Variants in ATRNL1 observed in about 807,000 individuals in gnomAD.
The protein encoded by ATRNL1 is attractin like 1, also known as attractin-like protein 1.
A neutral mutation model predicts 182.7 loss-of-function variants in ATRNL1; 95 were observed. The observed-to-expected ratio is 0.52, with a 90% CI of 0.44 to 0.62. The LOEUF (loss-of-function observed/expected upper bound fraction) is 0.62, where lower values mean the gene tolerates loss of function less well. Among genes scored for constraint, ATRNL1 ranks in the 20% least tolerant of loss-of-function variants. The probability of loss-of-function intolerance (pLI) is 0.00; values close to 1 mark genes in which losing one functional copy is unlikely to be tolerated. For missense variants in ATRNL1, 1,471 were observed against 1,679.5 expected, an observed-to-expected ratio of 0.88 and a Z score of 2.17; for synonymous variants, 576 against 568.3, an observed-to-expected ratio of 1.01 and a Z score of -0.19.
At chr10:115,674,782 T>TA (rs1177489163) in intron 26 of ATRNL1, among the ~76,000 whole-genome samples, 2 of 152,060 alleles carry the variant, frequency 1.3e-5, no homozygotes, top group African/African-American at 4.8e-5. Context: ...CTCACTTTTC[T>TA]AAAAAAATGG....
intron 17 of ATRNL1, among the ~76,000 whole-genome samples, chr10:115,306,949 AAAT>A (rs1234701877): frequency 1.3e-5 from 2 of 152,170 alleles, no homozygotes; most frequent in African/African-American, 2.4e-5. Flanking sequence ...CTGACAAATC[AAAT>A]AATGATAACT....
At chr10:115,902,700 C>T (rs934610797) in intron 28 of ATRNL1, among the ~76,000 whole-genome samples, 2 of 152,182 alleles carry the variant, frequency 1.3e-5, no homozygotes, top group African/African-American at 2.4e-5. Context: ...TGAGGAAAAT[C>T]AGCGAATATT....
chr10:115,352,823 C>T (rs1183456009), intron 19 of ATRNL1, among the ~76,000 whole-genome samples: 1 of 152,060 alleles, frequency 6.6e-6, no homozygotes, highest in Non-Finnish European at 1.5e-5. Flanking sequence ...TCACTTAAAC[C>T]TGGGAGGTGG....
Position 115,498,275 on chromosome 10 carries a change from G to T in ATRNL1, c.3655-20988G>T, listed in dbSNP as rs1043197953. On this transcript the variant is annotated intron_variant, in intron 24 of 28. Coordinates refer to ENST00000355044, the MANE Select transcript of ATRNL1 (RefSeq NM_207303.4). ...CTTCCAAATACCACAGGGTAGAAAA[G>T]ATTTTTAAAGTTACAAATAAATTCC... 4.6e-5 allele frequency among the ~76,000 whole-genome samples: 7 copies of T among 151,236 alleles called. No individual in the cohort carries two copies. The East Asian group carries it at 5.8e-4, about 12-fold the overall frequency.
chr10:115,744,459 C>A (rs1194948816), intron 27 of ATRNL1, among the ~76,000 whole-genome samples: 1 of 152,068 alleles, frequency 6.6e-6, no homozygotes, highest in Non-Finnish European at 1.5e-5. Flanking sequence ...CTTTCATTCT[C>A]TTTCAGTCTA....
chr10:115,170,903 C>A, intron 7 of ATRNL1, 134 bp from the exon 8 acceptor site: 1 of 453,052 alleles, frequency 2.2e-6, no homozygotes, highest in Non-Finnish European at 3.6e-6. Context: ...TTACTTTTTA[C>A]AAATGAGAAC....
At chr10:115,469,924 A>G (rs1342255857) in intron 24 of ATRNL1, among the ~76,000 whole-genome samples, 1 of 150,544 alleles carries the variant, frequency 6.6e-6, no homozygotes, top group Non-Finnish European at 1.5e-5. Flanking sequence ...TGTGTTCTTA[A>G]TTTATGTTTT....
At chr10:115,886,300 A>G (rs1951943466) in intron 28 of ATRNL1, among the ~76,000 whole-genome samples, 1 of 152,198 alleles carries the variant, frequency 6.6e-6, no homozygotes, top group African/African-American at 2.4e-5. Flanking sequence ...CTCTCATAAA[A>G]ATCATTAGTT....
At chr10:115,915,121 G>A (rs1952804865) in intron 28 of ATRNL1, among the ~76,000 whole-genome samples, 1 of 152,162 alleles carries the variant, frequency 6.6e-6, no homozygotes, top group Non-Finnish European at 1.5e-5. Context: ...GTTATGGCTG[G>A]GTGCGGTGGC....
chr10:115,113,568 G>A (rs1554868853), intron 1 of ATRNL1, among the ~76,000 whole-genome samples: 4 of 152,090 alleles, frequency 2.6e-5, no homozygotes, highest in African/African-American at 7.2e-5. Flanking sequence ...TAAGTCTTAT[G>A]AGATCTGATG....
At position 115,765,202 on chromosome 10, in the gene ATRNL1, G is replaced by T. The variant is rs968338347; in HGVS notation, c.3903+37847G>T. On this transcript the variant is annotated intron_variant, in intron 27 of 28. Transcript: ENST00000355044. ...TGGGTAGGTATCAGGGAGCACAATT[G>T]CTGGATCATATGGTCAGGGTAGCTT... Among the ~76,000 whole-genome samples the T allele has an allele frequency of 3.3e-5, 5 of 152,138 alleles. No homozygotes were observed. In the East Asian group the frequency reaches 9.6e-4, roughly 29 times the overall value.
intron 13 of ATRNL1, among the ~76,000 whole-genome samples, chr10:115,278,306 GT>G (rs1404786366): frequency 6.6e-6 from 1 of 152,134 alleles, no homozygotes; most frequent in African/African-American, 2.4e-5. Context: ...AGTTTAACTT[GT>G]TAAAAGAAAA....
chr10:115,845,937 T>A (rs189597258), intron 27 of ATRNL1, among the ~76,000 whole-genome samples: 3 of 152,212 alleles, frequency 2.0e-5, no homozygotes, highest in African/African-American at 7.2e-5. Context: ...TTAAAATAAC[T>A]TTTAGTAGCC....
intron 27 of ATRNL1, among the ~76,000 whole-genome samples, chr10:115,759,482 C>A (rs1367003940): frequency 6.6e-6 from 1 of 151,960 alleles, no homozygotes; most frequent in Non-Finnish European, 1.5e-5. Context: ...GTCAGATGAC[C>A]CCTGGGGGAG....
chr10:115,228,754 A>ATTTC (rs1474847494), intron 9 of ATRNL1, among the ~76,000 whole-genome samples: 1 of 144,764 alleles, frequency 6.9e-6, no homozygotes, highest in South Asian at 2.2e-4. Context: ...CTTCAATTAT[A>ATTTC]TTTCTTTCTT....
chr10:115,687,076 A>T (rs1273250960), intron 26 of ATRNL1, among the ~76,000 whole-genome samples: 1 of 152,006 alleles, frequency 6.6e-6, no homozygotes, highest in African/African-American at 2.4e-5. Flanking sequence ...GATGATTAGC[A>T]ATTTTGATTT....
At chr10:115,794,123 G>T (rs896989728) in intron 27 of ATRNL1, among the ~76,000 whole-genome samples, 1 of 152,120 alleles carries the variant, frequency 6.6e-6, no homozygotes, top group Non-Finnish European at 1.5e-5. Context: ...TTGGATTTGG[G>T]ATTAACATTT....
rs187154682 is a variant in ATRNL1 at position 115,616,690 on chromosome 10, A to G, written c.3795+67154A>G. Reference sequence around the variant, plus strand: ...GTCACTCCAGCTCCAGCCAAGGCCAAAAGGACCGAGGTACAGCTCAGGCCA... The same window carrying G: ...GTCACTCCAGCTCCAGCCAAGGCCAGAAGGACCGAGGTACAGCTCAGGCCA... On this transcript the variant is annotated intron_variant, in intron 26 of 28. Transcript: ENST00000355044. 2.8e-4 allele frequency among the ~76,000 whole-genome samples: 43 copies of G among 152,326 alleles called. 1 individual carries two copies. The highest frequency in any genetic ancestry group is 9.4e-4 in the African/African-American group (39 of 41,574).
At chr10:115,743,588 A>C (rs1391571558) in intron 27 of ATRNL1, among the ~76,000 whole-genome samples, 1 of 152,182 alleles carries the variant, frequency 6.6e-6, no homozygotes, top group African/African-American at 2.4e-5. Context: ...ATTCTTGTGA[A>C]TAACAGTTCA....
Sources: gnomAD v4.1 joint callset for allele counts (sites outside exome capture counted in the v4.1 genomes callset) on GRCh38, gnomAD v4.1.1 for gene constraint, MANE v1.5 for transcripts, NCBI Gene and HGNC (gene_info 2026-07-23, HGNC 2026-07-21) for gene names.